Variants in HSPH1 observed in about 807,000 individuals in gnomAD.
The protein encoded by HSPH1 is heat shock protein family H (Hsp110) member 1, also known as heat shock protein 105 kDa.
HSPH1 carries 40 observed loss-of-function variants against 100.0 expected under a neutral mutation model. The observed-to-expected ratio is 0.40, with a 90% CI of 0.31 to 0.52. The LOEUF is 0.52. HSPH1 is among the 20% of genes least tolerant of loss of function. The pLI, the probability that HSPH1 is intolerant of heterozygous loss-of-function variation, is 0.54. For missense variants in HSPH1, 876 were observed against 1,015.1 expected, an observed-to-expected ratio of 0.86 and a Z score of 1.86; for synonymous variants, 403 against 344.0, an observed-to-expected ratio of 1.17 and a Z score of -1.90.
intron 7 of HSPH1, 42 bp from the exon 8 acceptor site, chr13:31,150,224 T>C: frequency 7.4e-7 from 1 of 1,342,788 alleles, no homozygotes; most frequent in Non-Finnish European, 1.0e-6. Flanking sequence ...TTAAGACCAA[T>C]ATCCTGTCCT....
chr13:31,141,959 T>C (rs1565997703), intron 12 of HSPH1, among the ~76,000 whole-genome samples: 1 of 152,090 alleles, frequency 6.6e-6, no homozygotes, highest in Admixed American at 6.6e-5. Context: ...TTTTTCAAAA[T>C]ATGTAAATAC....
chr13:31,151,870 T>C, intron 5 of HSPH1, 128 bp from the exon 6 acceptor site: 1 of 696,424 alleles, frequency 1.4e-6, no homozygotes, highest in East Asian at 2.8e-5. Context: ...CACATTACAT[T>C]CCTTTTATAC....
At chr13:31,154,445 C>T (rs1296479343) in intron 4 of HSPH1, 188 bp downstream of exon 4, 1 of 663,586 alleles carries the variant, frequency 1.5e-6, no homozygotes, top group Non-Finnish European at 2.6e-6. Context: ...AGTCAAGAAC[C>T]TTTGCCGCTT....
chr13:31,158,678 G>T, intron 2 of HSPH1, 128 bp downstream of exon 2: 4 of 560,988 alleles, frequency 7.1e-6, no homozygotes, highest in East Asian at 3.2e-5. Context: ...AAGAATACTT[G>T]AATTACATTT....
chr13:31,138,179 G>C (rs1314297744), intron 17 of HSPH1, among the ~76,000 whole-genome samples: 1 of 152,054 alleles, frequency 6.6e-6, no homozygotes, highest in Non-Finnish European at 1.5e-5. Context: ...CATGACAGGT[G>C]CTCAACAAAT....
intron 12 of HSPH1, among the ~76,000 whole-genome samples, chr13:31,142,334 C>T (rs571792105): frequency 3.3e-5 from 5 of 152,186 alleles, no homozygotes; most frequent in South Asian, 4.1e-4. Flanking sequence ...TCTCAGTGTT[C>T]CTTAGAAATC....
chr13:31,138,686 C>T (rs1955972956), intron 16 of HSPH1, 95 bp downstream of exon 16: 1 of 1,530,194 alleles, frequency 6.5e-7, no homozygotes, highest in East Asian at 2.3e-5. Context: ...ACCAAAATTT[C>T]AAAGTTAAGA....
intron 2 of HSPH1, among the ~76,000 whole-genome samples, chr13:31,157,155 G>T (rs1044194743): frequency 2.0e-5 from 3 of 152,196 alleles, no homozygotes; most frequent in African/African-American, 7.2e-5. Flanking sequence ...AATTCCTTAT[G>T]TGTCTAAAAC....
chr13:31,141,522 G>GC (rs1565997027), intron 12 of HSPH1, among the ~76,000 whole-genome samples: 3 of 151,768 alleles, frequency 2.0e-5, no homozygotes, highest in African/African-American at 7.3e-5. Context: ...GCTTTTCTTC[G>GC]CAAGTCTTTA....
intron 2 of HSPH1, among the ~76,000 whole-genome samples, chr13:31,157,953 T>TA (rs1566016909): frequency 6.6e-6 from 1 of 152,196 alleles, no homozygotes; most frequent in African/African-American, 2.4e-5. Flanking sequence ...GATTAAAAAG[T>TA]AAAAAATCTC....
intron 17 of HSPH1, among the ~76,000 whole-genome samples, chr13:31,137,861 G>A (rs536769344): frequency 6.6e-6 from 1 of 152,262 alleles, no homozygotes; most frequent in African/African-American, 2.4e-5. Context: ...AGTGAGGAAA[G>A]AGCTAGAATT....
chr13:31,151,874 T>C, intron 5 of HSPH1, 132 bp from the exon 6 acceptor site: 2 of 664,966 alleles, frequency 3.0e-6, no homozygotes, highest in South Asian at 4.1e-5. Flanking sequence ...TTACATTCCT[T>C]TTATACCTGA....
At chr13:31,147,799 A>G (rs1042002317) in intron 10 of HSPH1, among the ~76,000 whole-genome samples, 160 bp downstream of exon 10, 1 of 152,136 alleles carries the variant, frequency 6.6e-6, no homozygotes, top group Admixed American at 6.5e-5. Context: ...TAAAATGAAG[A>G]TATTTCTCCA....
In HSPH1 at chr13:31,136,720, T is replaced by G. The variant is rs1414175955; in HGVS notation, c.*598A>C. 1 of 153,544 alleles carries G rather than the reference T, an allele frequency of 6.5e-6. No homozygotes were observed. The highest frequency in any genetic ancestry group is 2.4e-5 in the African/African-American group (1 of 41,480). The allele number at this position is 153,544 out of a possible 1,614,324, so 9.5% of individuals were successfully genotyped here. ...GATCGACATTTCTTCCATTCCACAC[T>G]TTCACATGACAATATACTGTATAGT... On this transcript the variant is annotated 3_prime_UTR_variant, in exon 18 of 18. Coordinates refer to ENST00000320027, the MANE Select transcript of HSPH1 (RefSeq NM_006644.4).
chr13:31,143,829 A>AG lies in HSPH1; in HGVS notation c.1678dup (p.Leu560ProfsTer12). On this transcript the variant is annotated frameshift_variant, in exon 12 of 18. Coordinates refer to ENST00000320027, the MANE Select transcript of HSPH1 (RefSeq NM_006644.4). LOFTEE classifies it high-confidence loss of function. ...TGGGATTTTGTTTTCTTCTGAGGTA[A>AG]GTTCAGGTGAAGGGGGAGACTGTGA... 6.2e-7 allele frequency: 1 copy of AG among 1,611,314 alleles called. No homozygotes were observed. The highest frequency in any genetic ancestry group is 1.1e-5 in the South Asian group (1 of 90,786).
rs141259962 is a variant in HSPH1 at position 31,139,084 on chromosome 13, G to C, written c.2004C>G (p.Leu668=). The change falls in exon 15 of 18, where the codon CTC becomes CTG. Residue 668 remains leucine, a synonymous_variant. Transcript: ENST00000320027. The part of the protein sequence containing the change: ...CEQDHQNFLR[L]LTETEDWLYE... Reference sequence around the variant, plus strand: ...ACAGCCAGTCTTCAGTTTCTGTGAGGAGTCTCAAAAAATTTTGATGATCCT... The same window carrying C: ...ACAGCCAGTCTTCAGTTTCTGTGAGCAGTCTCAAAAAATTTTGATGATCCT... 2.3e-4 allele frequency: 371 copies of C among 1,611,744 alleles called. No individual in the cohort carries two copies. In the African/African-American group the frequency reaches 3.7e-3, roughly 16 times the overall value.
rs769722457 is a variant in HSPH1 at position 31,158,815 on chromosome 13, G to A, written c.156C>T (p.Ala52=). The A allele has an allele frequency of 6.2e-7, 1 of 1,603,038 alleles. No individual in the cohort carries two copies. Among genetic ancestry groups the A allele is most frequent in the South Asian group, 1.1e-5 (1 of 90,830 alleles). ...CTCTTAAAGAACATACCTGATTTTT[G>A]GCTGCAACTCCGATTGTTCTATTTT... ...GSKNRTIGVA[A]KNQQITHANN... Residue 52 remains alanine, a synonymous_variant, in exon 2 of 18, where the codon GCC becomes GCT. Coordinates refer to ENST00000320027, the MANE Select transcript of HSPH1 (RefSeq NM_006644.4).
At chr13:31,150,855 G>A (rs1220433166) in intron 7 of HSPH1, 92 bp downstream of exon 7, 1 of 1,282,410 alleles carries the variant, frequency 7.8e-7, no homozygotes, top group Non-Finnish European at 1.1e-6. Flanking sequence ...CTGAAATGTA[G>A]GCCAAGACTC....
chr13:31,144,271 C>A (rs1248450349), intron 11 of HSPH1, among the ~76,000 whole-genome samples: 1 of 152,140 alleles, frequency 6.6e-6, no homozygotes, highest in Non-Finnish European at 1.5e-5. Context: ...TTACTCCAGG[C>A]CTCTTTCCTA....
Sources: allele counts gnomAD v4.1 joint callset (sites outside exome capture counted in the v4.1 genomes callset), GRCh38; gene constraint gnomAD v4.1.1; transcripts MANE v1.5; gene names NCBI Gene and HGNC (gene_info 2026-07-23, HGNC 2026-07-21).